ARSH: variants seen among roughly 807,000 people sequenced by gnomAD.
ARSH encodes arylsulfatase family member H.
Under a neutral mutation model 28.7 loss-of-function variants are expected in ARSH, and 32 were observed. The ratio of observed to expected loss-of-function variants is 1.11; its 90% CI spans 0.84 to 1.50. ARSH has a LOEUF of 1.50. Ranked by LOEUF, ARSH falls within the 40% of genes most tolerant of loss-of-function variation. The pLI, the probability that ARSH is intolerant of heterozygous loss-of-function variation, is 0.00. For missense variants in ARSH, 440 were observed against 452.4 expected, an observed-to-expected ratio of 0.97 and a Z score of 0.25; for synonymous variants, 176 against 177.3, an observed-to-expected ratio of 0.99 and a Z score of 0.06.
rs371767274 is a variant in ARSH, at chrX:3,017,165, A to G, written c.765-1369A>G. ...CCGTCCCAACCCATTTGCTTGGGCT[A>G]TCTTTTTGGGAATATATTCAATCTC... On this transcript the variant is annotated intron_variant, in intron 4 of 8. Transcript: ENST00000381130. Among the ~76,000 whole-genome samples, 53 of 111,367 alleles carry G rather than the reference A, an allele frequency of 4.8e-4. 1 individual carries two copies. In the South Asian group the frequency reaches 0.018, roughly 38 times the overall value.
At chrX:3,026,764 T>A (rs897926695) in intron 6 of ARSH, among the ~76,000 whole-genome samples, 1 of 112,464 alleles carries the variant, frequency 8.9e-6, no homozygotes, top group Non-Finnish European at 1.9e-5. Flanking sequence ...TTCCTCTATA[T>A]GGGAAATCAC....
At position 3,015,096 on chromosome X, in the gene ARSH, C is replaced by T. The variant is rs61740346; in HGVS notation, c.467C>T (p.Thr156Ile). 1.5e-4 allele frequency: 184 copies of T among 1,208,752 alleles called. No individual in the cohort carries two copies. The African/African-American group carries it at 2.9e-3, about 19-fold the overall frequency. The stretch of plus-strand genomic sequence containing the variant: ...TTAAGCGACTGCCAGGCATCCAAGA[C>T]ACCAGAACTGCACCGCTGGCTCAGG... ...GLLSDCQASK[T>I]PELHRWLRIK... Residue 156 changes from threonine (T) to isoleucine (I), a missense_variant, in exon 4 of 9, where the codon ACA (threonine) becomes ATA (isoleucine). By Grantham distance (89) the Thr-to-Ile change is moderately conservative. Transcript: ENST00000381130.
At chrX:3,027,496 C>T (rs759005041) in intron 7 of ARSH, 21 bp downstream of exon 7, 1 of 1,197,297 alleles carries the variant, frequency 8.4e-7, no homozygotes, top group Non-Finnish European at 1.1e-6. Flanking sequence ...AGTGTTTGCT[C>T]CTAACCTAGG....
Position 3,027,473 on chromosome X carries a change from C to G in ARSH, c.1197C>G (p.Asp399Glu), listed in dbSNP as rs372355278. 27 of 1,207,534 alleles carry G rather than the reference C, an allele frequency of 2.2e-5. No individual in the cohort carries two copies. Among genetic ancestry groups the G allele is most frequent in the Non-Finnish European group, 2.9e-5 (26 of 893,965 alleles). ...TAGGCGGAGGGATCTTGTCCCAGGA[C>G]AGGTATGGAAACAGTGTTTGCTCCT... ...SYIGGGILSQ[D>E]RVIDGQNLMP... is the part of the protein sequence containing the mutation. The change falls in exon 7 of 9, where the codon GAC becomes GAG. Residue 399 changes from aspartate (D) to glutamate (E), a missense_variant and splice_region_variant. Asp to Glu is a conservative substitution (Grantham distance 45, BLOSUM62 2). Transcript: ENST00000381130.
At chrX:3,027,265 G>A (rs367962124) in intron 6 of ARSH, 48 bp from the exon 7 acceptor site, 10 of 1,191,032 alleles carry the variant, frequency 8.4e-6, no homozygotes, top group African/African-American at 5.3e-5. Context: ...CGGCCAATAT[G>A]GTTGGGTTTT....
At chrX:3,008,485 CTTTCT>C (rs1569121838) in intron 1 of ARSH, among the ~76,000 whole-genome samples, 1 of 99,624 alleles carries the variant, frequency 1.0e-5, no homozygotes, top group African/African-American at 3.7e-5. Flanking sequence ...TTCTTTCTTT[CTTTCT>C]TTCTTTCTTT....
intron 6 of ARSH, among the ~76,000 whole-genome samples, chrX:3,025,389 T>C (rs1196286701): frequency 1.9e-5 from 2 of 105,657 alleles, no homozygotes; most frequent in African/African-American, 3.4e-5. Context: ...GTATATATAA[T>C]ATAATATATA....
chrX:3,028,863 A>T (rs1380093507), intron 7 of ARSH, among the ~76,000 whole-genome samples: 2 of 110,187 alleles, frequency 1.8e-5, no homozygotes, highest in Non-Finnish European at 3.8e-5. Flanking sequence ...GCGGATCATG[A>T]GGTCAGGAGT....
At chrX:3,028,060 G>A (rs965548173) in intron 7 of ARSH, among the ~76,000 whole-genome samples, 4 of 111,026 alleles carry the variant, frequency 3.6e-5, no homozygotes, top group South Asian at 3.9e-4. Context: ...CCGAGATCTC[G>A]TCACTGCACT....
Position 3,029,228 on chromosome X carries a change from C to T in ARSH, c.1200-19C>T. 2 of 1,205,005 alleles carry T rather than the reference C, an allele frequency of 1.7e-6. No homozygotes were observed. On this transcript the variant is annotated intron_variant, in intron 7 of 8. Coordinates refer to ENST00000381130, the MANE Select transcript of ARSH (RefSeq NM_001011719.2). ...CATGCCTCTCTCATCACCTTCTACA[C>T]ACCCCCTTCTCTCCCAAGAGTGATT...
At chrX:3,007,725 T>G (rs139534809) in intron 1 of ARSH, among the ~76,000 whole-genome samples, 38 of 103,890 alleles carry the variant, frequency 3.7e-4, no homozygotes, top group African/African-American at 1.3e-3. Context: ...AAGAATACCA[T>G]AGACTGGGTG....
chrX:3,027,592 C>T (rs1172891465), intron 7 of ARSH, 117 bp downstream of exon 7: 22 of 820,211 alleles, frequency 2.7e-5, no homozygotes, highest in African/African-American at 4.1e-5. Flanking sequence ...TATCAATATT[C>T]TGCCCATAGG....
Position 3,029,260 on chromosome X carries a change from C to A in ARSH, c.1213C>A (p.Gln405Lys), listed in dbSNP as rs1423563924. ...TTCTCTCCCAAGAGTGATTGACGGC[C>A]AGAACCTAATGCCCCTGCTGGAAGG... Reference protein sequence around the residue: ...ILSQDRVIDGQNLMPLLEGRA... With the variant: ...ILSQDRVIDGKNLMPLLEGRA... Residue 405 changes from glutamine (Q) to lysine (K), a missense_variant, in exon 8 of 9, where the codon CAG becomes AAG. Physicochemically the swap from Gln to Lys is moderately conservative, Grantham distance 53. Transcript: ENST00000381130. 5.0e-6 allele frequency: 6 copies of A among 1,207,611 alleles called. No individual in the cohort carries two copies. Among genetic ancestry groups the A allele is most frequent in the African/African-American group, 1.8e-5 (1 of 56,579 alleles).
intron 4 of ARSH, among the ~76,000 whole-genome samples, chrX:3,015,717 C>T (rs928141371): frequency 1.8e-5 from 2 of 110,231 alleles, no homozygotes; most frequent in Admixed American, 9.8e-5. Context: ...ACAGGGAGAC[C>T]AGGGGCACAT....
chrX:3,011,691 G>A (rs1421701415), intron 2 of ARSH, among the ~76,000 whole-genome samples: 1 of 112,180 alleles, frequency 8.9e-6, no homozygotes, highest in Non-Finnish European at 1.9e-5. Flanking sequence ...AAACGGTTCA[G>A]TTTAATTCAT....
chrX:3,029,292 G>A lies in ARSH; in HGVS notation c.1245G>A (p.Ala415=), dbSNP rs150928524. Residue 415 remains alanine, a synonymous_variant, in exon 8 of 9, where the codon GCG becomes GCA. Coordinates refer to ENST00000381130, the MANE Select transcript of ARSH (RefSeq NM_001011719.2). ...TAATGCCCCTGCTGGAAGGAAGGGC[G>A]TCCCACTCCGACCACGAGTTCCTCT... ...QNLMPLLEGR[A]SHSDHEFLFH... 8.2e-5 allele frequency: 99 copies of A among 1,207,527 alleles called. No individual in the cohort carries two copies. The African/African-American group carries it at 1.6e-3, about 19-fold the overall frequency.
At chrX:3,026,899 T>G (rs1007950556) in intron 6 of ARSH, among the ~76,000 whole-genome samples, 4 of 111,237 alleles carry the variant, frequency 3.6e-5, no homozygotes, top group African/African-American at 9.8e-5. Context: ...TCACCGAGGC[T>G]GGAGTGCAGT....
At chrX:3,028,448 A>C (rs1019681964) in intron 7 of ARSH, among the ~76,000 whole-genome samples, 3 of 109,424 alleles carry the variant, frequency 2.7e-5, no homozygotes, top group Admixed American at 9.8e-5. Context: ...TGACCTCGTG[A>C]TCCACCCACC....
At position 3,033,346 on chromosome X, in the gene ARSH, G is replaced by A. The variant is rs751990184; in HGVS notation, c.1650G>A (p.Gly550=). 2.5e-6 allele frequency: 3 copies of A among 1,205,268 alleles called. No homozygotes were observed. Among genetic ancestry groups the A allele is most frequent in the Admixed American group, 2.2e-5 (1 of 45,357 alleles). The change falls in exon 9 of 9, where the codon GGG becomes GGA. Residue 550 remains glycine (G), a synonymous_variant. Coordinates refer to ENST00000381130, the MANE Select transcript of ARSH (RefSeq NM_001011719.2). ...QPCCGTFPFC[G]CDKEDDILPM... Reference sequence around the variant, plus strand: ...GCTGTGGGACCTTCCCCTTCTGTGGGTGTGACAAGGAAGATGACATCCTTC... The same window carrying A: ...GCTGTGGGACCTTCCCCTTCTGTGGATGTGACAAGGAAGATGACATCCTTC...
Sources: allele counts gnomAD v4.1 joint callset (sites outside exome capture counted in the v4.1 genomes callset), GRCh38; gene constraint gnomAD v4.1.1; transcripts MANE v1.5; gene names NCBI Gene and HGNC (gene_info 2026-07-23, HGNC 2026-07-21).